Variants in MCF2 observed in about 807,000 individuals in gnomAD.
MCF2 encodes the protein MCF.2 cell line derived transforming sequence, also known as proto-oncogene DBL.
MCF2 carries 44 observed loss-of-function variants against 82.5 expected under a neutral mutation model. The ratio of observed to expected loss-of-function variants is 0.53; its 90% CI spans 0.42 to 0.69. MCF2 has a LOEUF of 0.69. Ranked by LOEUF, MCF2 falls within the 30% of genes least tolerant of loss-of-function variation. The probability of loss-of-function intolerance (pLI) is 0.00; values close to 1 mark genes in which losing one functional copy is unlikely to be tolerated. For synonymous variants in MCF2, 217 were observed against 224.9 expected, an observed-to-expected ratio of 0.96 and a Z score of 0.32; for missense variants, 623 against 663.1, an observed-to-expected ratio of 0.94 and a Z score of 0.66.
At chrX:139,606,650 C>T (rs764018287) in intron 12 of MCF2, among the ~76,000 whole-genome samples, 2 of 111,892 alleles carry the variant, frequency 1.8e-5, no homozygotes, top group East Asian at 2.8e-4. Flanking sequence ...TGAATAACCA[C>T]GCCCCACCTG....
chrX:139,609,773 C>T (rs956133800), intron 11 of MCF2, among the ~76,000 whole-genome samples: 2 of 110,918 alleles, frequency 1.8e-5, no homozygotes, highest in African/African-American at 6.6e-5. Flanking sequence ...CAGCAGTGAG[C>T]TATGGTCACC....
At chrX:139,644,634 T>G (rs1009165844), upstream of MCF2, among the ~76,000 whole-genome samples, 5 of 112,448 alleles carry the variant, frequency 4.4e-5, no homozygotes, top group Non-Finnish European at 9.4e-5. Context: ...ACCTTGCAAG[T>G]GCTAGAACAT....
At chrX:139,629,178 C>T (rs1450972244) in intron 4 of MCF2, among the ~76,000 whole-genome samples, 1 of 112,224 alleles carries the variant, frequency 8.9e-6, no homozygotes, top group Non-Finnish European at 1.9e-5. Context: ...ACCTAGGCTA[C>T]AGGGTATAGC....
intron 16 of MCF2, 80 bp from the exon 21 acceptor site, chrX:139,598,578 C>T (rs1930286597): frequency 2.1e-6 from 1 of 480,830 alleles, no homozygotes; most frequent in Non-Finnish European, 3.3e-6. Flanking sequence ...TTGATTAAAC[C>T]TAATGCCCCA....
At chrX:139,651,836 C>A in intron 1 of MCF2, 48 bp from the exon 2 acceptor site, 1 of 787,007 alleles carries the variant, frequency 1.3e-6, no homozygotes, top group Non-Finnish European at 1.9e-6. Flanking sequence ...TAAGGTACAG[C>A]CTTACATGAT....
In MCF2 at chrX:139,610,287, T is replaced by A; in HGVS notation, c.1401+14A>T. On this transcript the variant is annotated intron_variant, in intron 11 of 24. Transcript: ENST00000370576. ...AGCAATAAAGTCAATTTTGAATTAA[T>A]TAATGATATTTACTTTTAAGTTGCT... 2 of 1,109,653 alleles carry A rather than the reference T, an allele frequency of 1.8e-6. No individual in the cohort carries two copies. The highest frequency in any genetic ancestry group is 2.5e-6 in the Non-Finnish European group (2 of 813,493). The allele number at this position is 1,109,653 out of a possible 1,213,427, so 91.4% of individuals were successfully genotyped here. A position where few individuals can be genotyped will look rare whatever the true frequency, so the allele number is the denominator to read the frequency against.
intron 1 of MCF2, among the ~76,000 whole-genome samples, chrX:139,637,892 G>A (rs1019165881): frequency 1.8e-5 from 2 of 111,661 alleles, no homozygotes; most frequent in African/African-American, 6.5e-5. Flanking sequence ...GGAGGCAGGA[G>A]AGTCAGAGAA....
chrX:139,700,387 C>T (rs1358018890), intron 1 of MCF2, among the ~76,000 whole-genome samples: 2 of 111,991 alleles, frequency 1.8e-5, no homozygotes, highest in African/African-American at 6.5e-5. Context: ...ACAGAACAGC[C>T]TCATCTGAGC....
chrX:139,647,905 T>C (rs533808382), intron 2 of MCF2, among the ~76,000 whole-genome samples: 15 of 112,201 alleles, frequency 1.3e-4, no homozygotes, highest in Admixed American at 6.6e-4. Context: ...AAATACTAAG[T>C]GCCAAATAGA....
chrX:139,661,074 G>A (rs1001575425), intron 1 of MCF2, among the ~76,000 whole-genome samples: 1 of 111,801 alleles, frequency 8.9e-6, no homozygotes, highest in Non-Finnish European at 1.9e-5. Context: ...GAAAAGGGAA[G>A]GTTTAATAGA....
intron 1 of MCF2, among the ~76,000 whole-genome samples, chrX:139,670,386 A>G (rs1934647307): frequency 9.0e-6 from 1 of 111,295 alleles, no homozygotes; most frequent in Non-Finnish European, 1.9e-5. Context: ...ATAGGTATAC[A>G]TGTGCCATGT....
chrX:139,665,276 T>C (rs1934477059), intron 1 of MCF2, among the ~76,000 whole-genome samples: 1 of 111,359 alleles, frequency 9.0e-6, no homozygotes, highest in Admixed American at 9.6e-5. Flanking sequence ...AGACTGCCTT[T>C]CAAGGTTATT....
intron 2 of MCF2, among the ~76,000 whole-genome samples, chrX:139,651,000 T>C (rs1029935537): frequency 1.8e-5 from 2 of 111,042 alleles, no homozygotes; most frequent in African/African-American, 6.6e-5. Context: ...AGAAAGAAAG[T>C]AAAATTGCGG....
chrX:139,682,711 G>C (rs1935028483), intron 1 of MCF2, among the ~76,000 whole-genome samples: 1 of 111,611 alleles, frequency 9.0e-6, no homozygotes, highest in African/African-American at 3.3e-5. Flanking sequence ...CCAAACATAT[G>C]CCTCTCATTT....
intron 1 of MCF2, among the ~76,000 whole-genome samples, chrX:139,685,865 T>C (rs1198061300): frequency 9.0e-6 from 1 of 111,125 alleles, no homozygotes; most frequent in African/African-American, 3.3e-5. Flanking sequence ...CTCAACAAAA[T>C]GCTAGCAAAT....
intron 9 of MCF2, 61 bp downstream of exon 12, chrX:139,616,221 C>T: frequency 1.4e-6 from 1 of 713,742 alleles, no homozygotes; most frequent in Non-Finnish European, 1.9e-6. Context: ...ACTCCTCCTA[C>T]CCACAGTACT....
intron 2 of MCF2, among the ~76,000 whole-genome samples, chrX:139,648,485 T>G (rs950520777): frequency 9.1e-6 from 1 of 109,521 alleles, no homozygotes; most frequent in Non-Finnish European, 1.9e-5. Flanking sequence ...ATGGGACAAA[T>G]GGGAAAAGCT....
At chrX:139,690,698 G>A (rs1488304400) in intron 1 of MCF2, among the ~76,000 whole-genome samples, 1 of 111,517 alleles carries the variant, frequency 9.0e-6, no homozygotes, top group Non-Finnish European at 1.9e-5. Flanking sequence ...GAATAGGGAG[G>A]TATATTTGGA....
intron 22 of MCF2, 94 bp from the exon 27 acceptor site, chrX:139,586,581 T>C (rs1213492886): frequency 1.9e-6 from 1 of 537,359 alleles, no homozygotes; most frequent in African/African-American, 2.3e-5. Context: ...ATACCAAGTG[T>C]TAAGAACATG....
Sources: allele counts gnomAD v4.1 joint callset (sites outside exome capture counted in the v4.1 genomes callset), GRCh38; gene constraint gnomAD v4.1.1; transcripts MANE v1.5; gene names NCBI Gene and HGNC (gene_info 2026-07-23, HGNC 2026-07-21).